GSR: variants seen among roughly 807,000 people sequenced by gnomAD.
GSR encodes the protein glutathione-disulfide reductase.
Under a neutral mutation model 56.5 loss-of-function variants are expected in GSR, and 48 were observed. The observed-to-expected ratio is 0.85, with a 90% confidence interval of 0.67 to 1.08. The LOEUF is 1.08. GSR is among the 50% of genes least tolerant of loss of function. The pLI, the probability that GSR is intolerant of heterozygous loss-of-function variation, is 0.00. For missense variants in GSR, 694 were observed against 703.3 expected, an observed-to-expected ratio of 0.99 and a Z score of 0.15; for synonymous variants, 264 against 270.8, an observed-to-expected ratio of 0.97 and a Z score of 0.25.
chr8:30,689,209 C>G lies in GSR; in HGVS notation c.993G>C (p.Trp331Cys), dbSNP rs1345036090. 3 of 1,613,978 alleles carry G rather than the reference C, an allele frequency of 1.9e-6. No homozygotes were observed. Among genetic ancestry groups the G allele is most frequent in the Non-Finnish European group, 2.5e-6 (3 of 1,179,952 alleles). ...TMIPDVDCLL[W>C]AIGRVPNTKD... is the part of the protein sequence containing the mutation. ...TGGTATTCGGGACCCGCCCAATGGC[C>G]CAGAGCAGGCAGTCAACATCTGGAA... The change falls in exon 9 of 13, where the codon TGG becomes TGC. Residue 331 changes from tryptophan (W) to cysteine (C), a missense_variant. Trp to Cys is a radical substitution (Grantham distance 215, BLOSUM62 -2). Coordinates refer to ENST00000221130, the MANE Select transcript of GSR (RefSeq NM_000637.5).
chr8:30,682,605 C>T (rs1022704688), intron 10 of GSR, among the ~76,000 whole-genome samples: 1 of 152,158 alleles, frequency 6.6e-6, no homozygotes, highest in African/African-American at 2.4e-5. Context: ...ATAAGGGATG[C>T]TCAACCTGTC....
chr8:30,696,329 C>T, intron 7 of GSR, 51 bp downstream of exon 7: 1 of 1,244,258 alleles, frequency 8.0e-7, no homozygotes, highest in South Asian at 1.2e-5. Context: ...AAAAATTCTT[C>T]ATTTTTTAAA....
At chr8:30,710,818 T>C (rs1226026389) in intron 2 of GSR, among the ~76,000 whole-genome samples, 1 of 136,904 alleles carries the variant, frequency 7.3e-6, no homozygotes, top group African/African-American at 2.7e-5. Flanking sequence ...TCAGAAGGAA[T>C]AAGTAAATAT....
rs1804789877 is a variant in GSR, at chr8:30,727,681, G to A, written c.155C>T (p.Pro52Leu). The change falls in exon 1 of 13, where the codon CCG becomes CTG. Residue 52 changes from proline (P) to leucine (L), a missense_variant. Coordinates refer to ENST00000221130, the MANE Select transcript of GSR (RefSeq NM_000637.5). Reference protein sequence around the residue: ...RAMACRQEPQPQGPPPAAGAV... With the variant: ...RAMACRQEPQLQGPPPAAGAV... Reference sequence around the variant, plus strand: ...GCCAGCAGCGGGCGGCGGGCCCTGCGGCTGCGGCTCCTGCCTGCAGGCCAT... The same window carrying A: ...GCCAGCAGCGGGCGGCGGGCCCTGCAGCTGCGGCTCCTGCCTGCAGGCCAT... 4 of 1,440,802 alleles carry A rather than the reference G, an allele frequency of 2.8e-6. No individual in the cohort carries two copies. Among genetic ancestry groups the A allele is most frequent in the Admixed American group, 2.9e-5 (1 of 34,642 alleles). The allele number at this position is 1,440,802 out of a possible 1,614,324, so 89.3% of individuals were successfully genotyped here.
chr8:30,700,128 G>A lies in GSR; in HGVS notation c.648C>T (p.Ser216=). Residue 216 remains serine (S), a synonymous_variant, in exon 6 of 13, where the codon AGC becomes AGT. Coordinates refer to ENST00000221130, the MANE Select transcript of GSR (RefSeq NM_000637.5). ...TPHESQIPGA[S]LGITSDGFFQ... is the part of the protein sequence containing the mutation. ...AAAATCCATCGCTGGTTATTCCTAAGCTGGCACCTATGTAGAAAAAGGCAA... is the reference window on the plus strand; with the variant it reads ...AAAATCCATCGCTGGTTATTCCTAAACTGGCACCTATGTAGAAAAAGGCAA... 6.2e-7 allele frequency: 1 copy of A among 1,612,260 alleles called. No homozygotes were observed. Among genetic ancestry groups the A allele is most frequent in the Non-Finnish European group, 8.5e-7 (1 of 1,178,370 alleles).
chr8:30,706,674 G>C (rs1306394948), intron 4 of GSR, among the ~76,000 whole-genome samples: 1 of 152,138 alleles, frequency 6.6e-6, no homozygotes, highest in African/African-American at 2.4e-5. Context: ...GGAAAGGTGT[G>C]ACATCCCAGC....
intron 1 of GSR, among the ~76,000 whole-genome samples, chr8:30,724,708 G>A (rs1312941554): frequency 6.6e-6 from 1 of 151,908 alleles, no homozygotes; most frequent in Non-Finnish European, 1.5e-5. Flanking sequence ...GCTAATTTTT[G>A]TATTTTTAGT....
chr8:30,714,825 G>A (rs1476493907), intron 1 of GSR, among the ~76,000 whole-genome samples: 6 of 152,092 alleles, frequency 3.9e-5, no homozygotes, highest in East Asian at 3.9e-4. Flanking sequence ...GAGCCACCAC[G>A]CTTGGCCTGT....
chr8:30,689,045 A>G (rs1803267253), intron 9 of GSR, 116 bp downstream of exon 9: 1 of 858,468 alleles, frequency 1.2e-6, no homozygotes, highest in African/African-American at 1.7e-5. Context: ...AATACATGGG[A>G]AAAAGAGAAA....
intron 8 of GSR, among the ~76,000 whole-genome samples, chr8:30,692,658 C>T (rs1035185164): frequency 1.4e-4 from 21 of 151,868 alleles, no homozygotes; most frequent in African/African-American, 4.6e-4. Flanking sequence ...CACACCACCA[C>T]GCCCAGCTGA....
Position 30,692,084 on chromosome 8 carries a change from C to T in GSR, c.882+885G>A, listed in dbSNP as rs1011429172. 3.5e-5 allele frequency among the ~76,000 whole-genome samples: 5 copies of T among 143,594 alleles called. No individual in the cohort carries two copies. In the East Asian group the frequency reaches 8.4e-4, roughly 24 times the overall value. The allele number at this position is 143,594 out of a possible 152,430, so 94.2% of individuals were successfully genotyped here. A position where few individuals can be genotyped will look rare whatever the true frequency, so the allele number is the denominator to read the frequency against. ...CACCAATGCACTCCAGCCTGGGTGA[C>T]AAAGTGAGACACTGTCTCAAAAAGA... On this transcript the variant is annotated intron_variant, in intron 8 of 12. Transcript: ENST00000221130.
intron 1 of GSR, 91 bp downstream of exon 1, chr8:30,727,439 G>A: frequency 5.7e-6 from 7 of 1,224,618 alleles, no homozygotes; most frequent in Admixed American, 2.2e-5. Context: ...AGCGCCGGGG[G>A]ACAGGATCGC....
chr8:30,689,746 G>GTATA lies in GSR; in HGVS notation c.883-431_883-428dup, dbSNP rs35206861. On this transcript the variant is annotated intron_variant, in intron 8 of 12. Coordinates refer to ENST00000221130, the MANE Select transcript of GSR (RefSeq NM_000637.5). The stretch of plus-strand genomic sequence containing the variant: ...TCCCTGGGTATATACGTGTGTGTGT[G>GTATA]TATATATATATATATACACACACAC... Among the ~76,000 whole-genome samples the GTATA allele has an allele frequency of 4.8e-3, 660 of 138,616 alleles. 10 individuals carry two copies. The highest frequency in any genetic ancestry group is 0.016 in the African/African-American group (613 of 37,434). 90.9% of individuals were successfully genotyped at this position (138,616 alleles called of 152,430 possible).
At chr8:30,696,560 T>C in intron 6 of GSR, 81 bp from the exon 7 acceptor site, 1 of 931,814 alleles carries the variant, frequency 1.1e-6, no homozygotes, top group Non-Finnish European at 1.8e-6. Flanking sequence ...GTTGCAGAGA[T>C]AGTACAGAGA....
intron 12 of GSR, 55 bp downstream of exon 12, chr8:30,680,849 T>C: frequency 6.5e-7 from 1 of 1,547,856 alleles, no homozygotes. Flanking sequence ...TGCAAAATAC[T>C]GCCATCCCTG....
At chr8:30,717,580 G>A (rs1047996415) in intron 1 of GSR, among the ~76,000 whole-genome samples, 3 of 152,106 alleles carry the variant, frequency 2.0e-5, no homozygotes, top group African/African-American at 4.8e-5. Context: ...ATTCTCATAG[G>A]AGCGTGAACC....
intron 4 of GSR, among the ~76,000 whole-genome samples, chr8:30,705,393 G>T (rs1803886712): frequency 1.3e-5 from 2 of 152,196 alleles, no homozygotes; most frequent in African/African-American, 2.4e-5. Context: ...CTTCCAAATA[G>T]CTGGGAATAC....
intron 9 of GSR, among the ~76,000 whole-genome samples, chr8:30,685,000 C>T (rs1004199456): frequency 1.3e-5 from 2 of 151,412 alleles, no homozygotes; most frequent in Non-Finnish European, 2.9e-5. Context: ...GATGGAGTCT[C>T]GCTCTGTCGC....
chr8:30,681,369 A>G (rs774663240), intron 11 of GSR, among the ~76,000 whole-genome samples: 2 of 152,008 alleles, frequency 1.3e-5, no homozygotes, highest in Non-Finnish European at 2.9e-5. Flanking sequence ...ATCTCTACAA[A>G]AAATTAGCCA....
Sources: gnomAD v4.1 joint callset for allele counts (sites outside exome capture counted in the v4.1 genomes callset) on GRCh38, gnomAD v4.1.1 for gene constraint, MANE v1.5 for transcripts, NCBI Gene and HGNC (gene_info 2026-07-23, HGNC 2026-07-21) for gene names.